The following JADE2 variants were observed in gnomAD, a reference collection of about 807,000 sequenced individuals.
JADE2 encodes E3 ubiquitin-protein ligase Jade-2.
Under a neutral mutation model 85.7 loss-of-function variants are expected in JADE2, and 13 were observed. That is an observed-to-expected ratio of 0.15 (90% confidence interval 0.10 to 0.24). The LOEUF (loss-of-function observed/expected upper bound fraction) is 0.24. Among genes scored for constraint, JADE2 ranks in the 10% least tolerant of loss-of-function variants. The pLI is 1.00. For synonymous variants in JADE2, 440 were observed against 456.1 expected, an observed-to-expected ratio of 0.96 and a Z score of 0.45; for missense variants, 846 against 1,115.9, an observed-to-expected ratio of 0.76 and a Z score of 3.45.
chr5:134,526,380 A>C, intron 1 of JADE2: 5 of 984,788 alleles, frequency 5.1e-6, no homozygotes, highest in African/African-American at 1.8e-5. Context: ...CAGGGCTGCA[A>C]CTTCCCCGCG....
intron 9 of JADE2, among the ~76,000 whole-genome samples, chr5:134,570,046 C>G (rs946682871): frequency 1.3e-5 from 2 of 152,178 alleles, no homozygotes; most frequent in African/African-American, 2.4e-5. Flanking sequence ...TTTCTTCACT[C>G]ACTCCCTGTA....
chr5:134,533,618 C>G (rs1346114190), intron 1 of JADE2: 5 of 976,112 alleles, frequency 5.1e-6, no homozygotes, highest in South Asian at 9.5e-5. Flanking sequence ...ACCTCCCCCC[C>G]ACTCCACCCA....
At chr5:134,576,983 T>G (rs932881421) in intron 11 of JADE2, 87 bp downstream of exon 11, 2 of 1,437,898 alleles carry the variant, frequency 1.4e-6, no homozygotes, top group Non-Finnish European at 1.9e-6. Flanking sequence ...GAAGGCCAGC[T>G]GCACAGAGTA....
At chr5:134,568,348 G>A (rs553733167) in intron 9 of JADE2, among the ~76,000 whole-genome samples, 1 of 152,292 alleles carries the variant, frequency 6.6e-6, no homozygotes, top group East Asian at 1.9e-4. Flanking sequence ...AGGAGTTGTT[G>A]GCTTATTCTC....
chr5:134,527,475 A>C (rs956942302), intron 1 of JADE2, among the ~76,000 whole-genome samples: 1 of 151,316 alleles, frequency 6.6e-6, no homozygotes, highest in Non-Finnish European at 1.5e-5. Context: ...CCCCTACTAC[A>C]CACAGCTACC....
chr5:134,568,911 A>G (rs991324879), intron 9 of JADE2, among the ~76,000 whole-genome samples: 1 of 152,228 alleles, frequency 6.6e-6, no homozygotes, highest in African/African-American at 2.4e-5. Context: ...AGCAGCCGGG[A>G]GTATCCAGCC....
intron 3 of JADE2, among the ~76,000 whole-genome samples, chr5:134,546,951 T>C (rs1000154283): frequency 6.6e-6 from 1 of 152,180 alleles, no homozygotes; most frequent in African/African-American, 2.4e-5. Context: ...CAGGATGAAG[T>C]GTTCAAATCT....
chr5:134,533,272 C>T (rs1479974114), intron 1 of JADE2, among the ~76,000 whole-genome samples: 1 of 152,214 alleles, frequency 6.6e-6, no homozygotes, highest in South Asian at 2.1e-4. Flanking sequence ...GAGGGCTTTA[C>T]ACTGTTCTTA....
chr5:134,551,262 A>G (rs1253316725), intron 3 of JADE2, among the ~76,000 whole-genome samples: 3 of 152,112 alleles, frequency 2.0e-5, no homozygotes, highest in Admixed American at 6.5e-5. Context: ...ACAGGGACTC[A>G]CTGTCACTCA....
In JADE2 at chr5:134,578,398, A is replaced by T; in HGVS notation, c.1682-96A>T. On this transcript the variant is annotated intron_variant, in intron 11 of 11. Coordinates refer to ENST00000681547, the MANE Select transcript of JADE2 (RefSeq NM_001388185.1). This position sits in a 1 kb window ranked among gnomAD's most constrained non-coding sequence, Gnocchi z 4.4. ...TCTGGCACAGGGGGACAGAGAGAAG[A>T]CGATGCCTGGTGGTGTGCTGGGAGC... is the stretch of plus-strand genomic sequence containing the variant. The T allele has an allele frequency of 1.1e-6, 1 of 913,946 alleles. No individual in the cohort carries two copies. Among genetic ancestry groups the T allele is most frequent in the Admixed American group, 2.3e-5 (1 of 43,628 alleles). 56.6% of individuals were successfully genotyped at this position (913,946 alleles called of 1,614,324 possible).
At chr5:134,550,113 C>G (rs11956644) in intron 3 of JADE2, among the ~76,000 whole-genome samples, 18,165 of 152,292 alleles carry the variant, frequency 0.12, 1,375 homozygotes, top group East Asian at 0.21. Context: ...GCTGTGAAAT[C>G]TTAGCCACAT....
intron 4 of JADE2, among the ~76,000 whole-genome samples, chr5:134,554,204 G>A (rs1014083694): frequency 6.6e-6 from 1 of 152,198 alleles, no homozygotes; most frequent in Non-Finnish European, 1.5e-5. Flanking sequence ...GTGATCTGTG[G>A]GGATTGGAAG....
intron 10 of JADE2, chr5:134,575,429 G>T (rs1314969647): frequency 6.6e-6 from 1 of 152,276 alleles, no homozygotes; most frequent in South Asian, 2.1e-4. Flanking sequence ...AGAGAAACTG[G>T]AAGGAGGCTG....
At chr5:134,557,218 GATGATT>G (rs1561746945) in intron 4 of JADE2, among the ~76,000 whole-genome samples, 1 of 149,678 alleles carries the variant, frequency 6.7e-6, no homozygotes, top group East Asian at 2.0e-4. Flanking sequence ...TGATGATGAT[GATGATT>G]ATTATTTTTT....
intron 1 of JADE2, chr5:134,526,839 G>A (rs1760860526): frequency 1.2e-6 from 1 of 854,548 alleles, no homozygotes; most frequent in Non-Finnish European, 1.4e-6. Context: ...GGGCCGCGCG[G>A]TAGTCCAGCT....
intron 1 of JADE2, among the ~76,000 whole-genome samples, chr5:134,532,656 A>G (rs1761318597): frequency 6.6e-6 from 1 of 152,148 alleles, no homozygotes; most frequent in East Asian, 1.9e-4. Context: ...GCCAGTGGAA[A>G]GGAAAAACCA....
chr5:134,529,090 G>A (rs140312330), intron 1 of JADE2, among the ~76,000 whole-genome samples: 84 of 152,298 alleles, frequency 5.5e-4, no homozygotes, highest in African/African-American at 1.9e-3. Flanking sequence ...CTCTAACCTA[G>A]TGTTCCTCTT....
At position 134,534,501 on chromosome 5, in the gene JADE2, C is replaced by T. The variant is rs553714655; in HGVS notation, c.1-1357C>T. ...GGGCACTGGGGTAGAGAGAAGCTCC[C>T]GGCTAAGATCAAGTCCAAGGCAGGA... is the stretch of plus-strand genomic sequence containing the variant. On this transcript the variant is annotated intron_variant, in intron 1 of 11. Coordinates refer to ENST00000681547, the MANE Select transcript of JADE2 (RefSeq NM_001388185.1). Among the ~76,000 whole-genome samples the T allele has an allele frequency of 1.6e-4, 25 of 152,074 alleles. No homozygotes were observed. In the South Asian group the frequency reaches 3.8e-3, roughly 23 times the overall value.
At chr5:134,544,889 C>T (rs1581418163) in intron 3 of JADE2, among the ~76,000 whole-genome samples, 1 of 152,314 alleles carries the variant, frequency 6.6e-6, no homozygotes, top group Admixed American at 6.5e-5. Flanking sequence ...AATCCTCCTT[C>T]TACCCTGGGT....
Sources: gnomAD v4.1 joint callset for allele counts (sites outside exome capture counted in the v4.1 genomes callset) on GRCh38, gnomAD v4.1.1 for gene constraint, Gnocchi (gnomAD v3.1) non-coding constraint, MANE v1.5 for transcripts, NCBI Gene and HGNC (gene_info 2026-07-23, HGNC 2026-07-21) for gene names.